Variants in GPHN observed in about 807,000 individuals in gnomAD.
GPHN encodes gephyrin.
A neutral mutation model predicts 95.5 loss-of-function variants in GPHN; 17 were observed. That is an observed-to-expected ratio of 0.18 (90% CI 0.12 to 0.27). The LOEUF (loss-of-function observed/expected upper bound fraction) is 0.27, where lower values mean the gene tolerates loss of function less well. GPHN is among the 10% of genes least tolerant of loss of function. GPHN has a pLI of 1.00. For missense variants in GPHN, 660 were observed against 978.1 expected (o/e 0.67, Z 4.34); for synonymous variants, 320 against 322.5 (o/e 0.99, Z 0.08).
chr14:67,622,692 C>T, the GPHN span, among the ~76,000 whole-genome samples: 2 of 152,204 alleles, frequency 1.3e-5, no homozygotes, highest in East Asian at 1.9e-4. Context: ...ACACTGAAGA[C>T]GACAATCTCT....
the GPHN span, chr14:67,347,496 TTCTC>T: frequency 7.0e-7 from 1 of 1,425,112 alleles, no homozygotes; most frequent in Non-Finnish European, 9.4e-7. Flanking sequence ...AACCTTTAAG[TTCTC>T]TCTTTTTTTT....
chr14:67,191,145 A>G, the GPHN span, among the ~76,000 whole-genome samples: 6 of 152,218 alleles, frequency 3.9e-5, no homozygotes, highest in Non-Finnish European at 8.8e-5. Context: ...GAAGCATGAG[A>G]ATCACTTGAA....
chr14:67,264,384 C>T, the GPHN span, among the ~76,000 whole-genome samples: 3 of 152,000 alleles, frequency 2.0e-5, no homozygotes, highest in Admixed American at 1.3e-4. Context: ...GATGTAATCT[C>T]ATTCGTCTGT....
chr14:66,870,754 A>C (rs2063401488), intron 4 of GPHN, among the ~76,000 whole-genome samples: 1 of 152,188 alleles, frequency 6.6e-6, no homozygotes, highest in Non-Finnish European at 1.5e-5. Flanking sequence ...CAAGCATTGT[A>C]ATTTAAAAAC....
intron 9 of GPHN, among the ~76,000 whole-genome samples, chr14:66,972,845 T>C (rs2069910032): frequency 6.6e-6 from 1 of 152,140 alleles, no homozygotes; most frequent in African/African-American, 2.4e-5. Context: ...AAGATGGCAG[T>C]GAATAGAACA....
chr14:67,591,619 C>T, the GPHN span, among the ~76,000 whole-genome samples: 1 of 152,162 alleles, frequency 6.6e-6, no homozygotes, highest in African/African-American at 2.4e-5. Flanking sequence ...GCAGCCTTGA[C>T]CTCCTGGGCT....
intron 1 of GPHN, among the ~76,000 whole-genome samples, chr14:66,590,120 G>T (rs944564772): frequency 2.6e-5 from 4 of 152,146 alleles, no homozygotes; most frequent in African/African-American, 9.7e-5. Context: ...TAAGTTCTTT[G>T]ATTCCTATGA....
the GPHN span, chr14:67,393,252 G>A: frequency 2.3e-5 from 37 of 1,604,056 alleles, no homozygotes; most frequent in Admixed American, 1.3e-4. Flanking sequence ...CTACATGGAA[G>A]GGAAGGCAAA....
At chr14:66,948,340 A>G (rs2067881965) in intron 8 of GPHN, among the ~76,000 whole-genome samples, 1 of 152,194 alleles carries the variant, frequency 6.6e-6, no homozygotes, top group South Asian at 2.1e-4. Flanking sequence ...AGTTTATAAA[A>G]AAGATCTCTT....
intron 10 of GPHN, among the ~76,000 whole-genome samples, chr14:67,047,366 G>GTGTGTGTGTGTT (rs1555473159): frequency 9.2e-6 from 1 of 108,778 alleles, no homozygotes; most frequent in African/African-American, 3.3e-5. Context: ...GTGTGTGTTT[G>GTGTGTGTGTGTT]TTTTTTTTTT....
At chr14:67,589,431 T>TA in the GPHN span, 58 of 975,964 alleles carry the variant, frequency 5.9e-5, no homozygotes, top group Middle Eastern at 5.2e-4. Context: ...TGAACTGATA[T>TA]AAAAAAAAAT....
At chr14:66,748,131 A>G (rs2058228644) in intron 2 of GPHN, among the ~76,000 whole-genome samples, 1 of 152,086 alleles carries the variant, frequency 6.6e-6, no homozygotes, top group Non-Finnish European at 1.5e-5. Context: ...ATTTAACAAT[A>G]GTTTACACTA....
At chr14:66,927,673 G>C (rs972630815) in intron 8 of GPHN, among the ~76,000 whole-genome samples, 1 of 151,976 alleles carries the variant, frequency 6.6e-6, no homozygotes, top group African/African-American at 2.4e-5. Flanking sequence ...ACTAGATGTG[G>C]GTCTGTTGCA....
the GPHN span, among the ~76,000 whole-genome samples, chr14:67,311,156 C>T: frequency 6.6e-6 from 1 of 151,848 alleles, no homozygotes; most frequent in Non-Finnish European, 1.5e-5. Context: ...ACTAAACATA[C>T]AAAAATTAGC....
chr14:66,751,116 A>T lies in GPHN; in HGVS notation c.144-25348A>T, dbSNP rs188298281. Among the ~76,000 whole-genome samples the T allele has an allele frequency of 8.5e-5, 13 of 152,048 alleles. No homozygotes were observed. The East Asian group carries it at 9.6e-4, about 11-fold the overall frequency. Reference sequence around the variant, plus strand: ...GTCATGATCTTCTAAAGCCTCCTAAAAGAAACATTGCTCTTGTGAATGGTG... The same window carrying T: ...GTCATGATCTTCTAAAGCCTCCTAATAGAAACATTGCTCTTGTGAATGGTG... On this transcript the variant is annotated intron_variant, in intron 2 of 22. Coordinates refer to ENST00000478722, the MANE Select transcript of GPHN (RefSeq NM_020806.5).
the GPHN span, among the ~76,000 whole-genome samples, chr14:67,227,163 T>A: frequency 6.6e-6 from 1 of 152,072 alleles, no homozygotes; most frequent in South Asian, 2.1e-4. Flanking sequence ...TGCTCCCAGC[T>A]GGGCGTGGTG....
intron 7 of GPHN, 71 bp downstream of exon 7, chr14:66,923,009 C>A: frequency 7.9e-7 from 1 of 1,262,116 alleles, no homozygotes; most frequent in Non-Finnish European, 1.1e-6. Flanking sequence ...ATCTGTTTTG[C>A]ATCGCATCCC....
chr14:67,122,992 T>A (rs781079575), intron 17 of GPHN, among the ~76,000 whole-genome samples: 8 of 152,230 alleles, frequency 5.3e-5, no homozygotes, highest in Non-Finnish European at 7.3e-5. Context: ...TCATGTGTGA[T>A]CAAAAGCAAG....
chr14:67,200,644 A>G, the GPHN span: 4 of 169,410 alleles, frequency 2.4e-5, no homozygotes, highest in Admixed American at 6.5e-5. Context: ...CCAGTATACC[A>G]TAGGCAGGAG....
Sources: gnomAD v4.1 joint callset for allele counts (sites outside exome capture counted in the v4.1 genomes callset) on GRCh38, gnomAD v4.1.1 for gene constraint, MANE v1.5 for transcripts, NCBI Gene and HGNC (gene_info 2026-07-23, HGNC 2026-07-21) for gene names.